The following MBD5 variants were observed in gnomAD, a reference collection of about 807,000 sequenced individuals.
MBD5 encodes methyl-CpG binding domain protein 5.
In MBD5, 13 loss-of-function variants were observed where a neutral mutation model predicts 117.3. The ratio of observed to expected loss-of-function variants is 0.11; its 90% CI spans 0.07 to 0.18. The LOEUF is 0.18. MBD5 is among the 10% of genes least tolerant of loss of function. MBD5 has a pLI of 1.00. For synonymous variants in MBD5, 727 were observed against 766.4 expected, an observed-to-expected ratio of 0.95 and a Z score of 0.85; for missense variants, 1,879 against 2,093.8, an observed-to-expected ratio of 0.90 and a Z score of 2.00.
chr2:148,507,570 T>G (rs556594966), intron 12 of MBD5, among the ~76,000 whole-genome samples: 1 of 151,126 alleles, frequency 6.6e-6, no homozygotes, highest in East Asian at 2.0e-4. Flanking sequence ...CCATCCTGGC[T>G]AACACGGTGA....
At chr2:148,258,525 C>A (rs755962523) in intron 3 of MBD5, among the ~76,000 whole-genome samples, 26 of 152,118 alleles carry the variant, frequency 1.7e-4, no homozygotes, top group Admixed American at 3.3e-4. Flanking sequence ...CAGTGTCCCC[C>A]CAAACTGGGC....
intron 3 of MBD5, among the ~76,000 whole-genome samples, chr2:148,278,660 A>T (rs1355301555): frequency 6.6e-6 from 1 of 152,182 alleles, no homozygotes; most frequent in Admixed American, 6.5e-5. Context: ...CGGAGACAGA[A>T]CCAGTAGGAT....
chr2:148,448,985 C>G (rs1229567003), intron 4 of MBD5, among the ~76,000 whole-genome samples: 7 of 152,014 alleles, frequency 4.6e-5, no homozygotes, highest in African/African-American at 1.7e-4. Flanking sequence ...CAAAAAATAA[C>G]AGCTGTGCTA....
intron 7 of MBD5, 43 bp downstream of exon 7, chr2:148,463,962 GAGA>G (rs1707178900): frequency 1.3e-6 from 2 of 1,593,334 alleles, no homozygotes; most frequent in Non-Finnish European, 1.7e-6. Flanking sequence ...CCTCTCCCTA[GAGA>G]AGGAGTTGCT....
At chr2:148,138,601 G>T (rs1232403338) in intron 1 of MBD5, among the ~76,000 whole-genome samples, 1 of 152,188 alleles carries the variant, frequency 6.6e-6, no homozygotes, top group Non-Finnish European at 1.5e-5. Flanking sequence ...ATGAAGTGGG[G>T]AGATTGGGAA....
In MBD5 at chr2:148,502,500, G is replaced by A. The variant is rs1237598517; in HGVS notation, c.5027G>A (p.Arg1676Lys). The change falls in exon 12 of 14, where the codon AGG becomes AAG. Residue 1676 changes from arginine to lysine, a missense_variant. Around this residue, in one of 4 missense-constraint regions of MBD5, gnomAD observed 135 missense variants for 148.0 expected, o/e 0.91. Transcript: ENST00000642680. ...GLEAYSRVRK[R>K]NRKSGKLNNH... ...GAAGCCTACAGCCGTGTCCGGAAAAGGAACAGAAAGTAAGCACTTTTCCAA... is the reference window on the plus strand; with the variant it reads ...GAAGCCTACAGCCGTGTCCGGAAAAAGAACAGAAAGTAAGCACTTTTCCAA... 5 of 1,613,982 alleles carry A rather than the reference G, an allele frequency of 3.1e-6. No homozygotes were observed. The East Asian group carries it at 6.7e-5, about 22-fold the overall frequency.
chr2:148,428,238 A>G lies in MBD5; in HGVS notation c.-556-29965A>G, dbSNP rs181514586. 8.7e-3 allele frequency among the ~76,000 whole-genome samples: 1,329 copies of G among 152,322 alleles called. 19 individuals are homozygous for G. The highest frequency in any genetic ancestry group is 0.031 in the African/African-American group (1,273 of 41,566). On this transcript the variant is annotated intron_variant, in intron 4 of 13. Coordinates refer to ENST00000642680, the MANE Select transcript of MBD5 (RefSeq NM_001378120.1). Reference sequence around the variant, plus strand: ...AGAGCCAAATCATGAGTGAACTCCCATTCACAATTGCTTCAAAGAGAATAA... The same window carrying G: ...AGAGCCAAATCATGAGTGAACTCCCGTTCACAATTGCTTCAAAGAGAATAA...
rs757371602 is a variant in MBD5 at position 148,296,864 on chromosome 2, A to AT, written c.-679-45330dup. Among the ~76,000 whole-genome samples the AT allele has an allele frequency of 1.4e-3, 86 of 61,328 alleles. 7 individuals carry two copies. Among genetic ancestry groups the AT allele is most frequent in the African/African-American group, 4.5e-3 (81 of 17,836 alleles). The allele number at this position is 61,328 out of a possible 152,430, so 40.2% of individuals were successfully genotyped here. A position where few individuals can be genotyped will look rare whatever the true frequency, so the allele number is the denominator to read the frequency against. On this transcript the variant is annotated intron_variant, in intron 3 of 13. Coordinates refer to ENST00000642680, the MANE Select transcript of MBD5 (RefSeq NM_001378120.1). ...AAGCATAGTTTGCTTTAGTTCTTCA[A>AT]TTTTTTTTTTTTTTTTTTTTGGAGA...
intron 4 of MBD5, among the ~76,000 whole-genome samples, chr2:148,445,884 GGT>G (rs1706492224): frequency 6.6e-6 from 1 of 151,166 alleles, no homozygotes; most frequent in South Asian, 2.1e-4. Context: ...TCTAATGGCC[GGT>G]GATGATGAGC....
intron 4 of MBD5, among the ~76,000 whole-genome samples, chr2:148,437,274 C>T (rs1706182164): frequency 6.6e-6 from 1 of 152,166 alleles, no homozygotes; most frequent in Non-Finnish European, 1.5e-5. Flanking sequence ...AGCCACCACG[C>T]CCAGCCCATA....
intron 1 of MBD5, among the ~76,000 whole-genome samples, chr2:148,110,888 C>G (rs559002275): frequency 1.3e-5 from 2 of 151,938 alleles, no homozygotes; most frequent in Non-Finnish European, 2.9e-5. Flanking sequence ...TATCATTTCT[C>G]ATGAATCTTT....
At chr2:148,087,593 G>A (rs1170522899) in intron 1 of MBD5, among the ~76,000 whole-genome samples, 1 of 152,146 alleles carries the variant, frequency 6.6e-6, no homozygotes, top group Non-Finnish European at 1.5e-5. Context: ...GCCCCATTCA[G>A]TGGCTAGACC....
rs953702461 is a variant in MBD5 at position 148,046,002 on chromosome 2, T to G, written c.-925+24318T>G. The stretch of plus-strand genomic sequence containing the variant: ...TTTTTTTTTTTTTTTTTTTTTTTTT[T>G]GAGACAGAGTCTCGCGGTGTTGCCA... On this transcript the variant is annotated intron_variant, in intron 1 of 13. Coordinates refer to ENST00000642680, the MANE Select transcript of MBD5 (RefSeq NM_001378120.1). Among the ~76,000 whole-genome samples the G allele has an allele frequency of 2.6e-5, 3 of 117,140 alleles. No homozygotes were observed. In the Admixed American group the frequency reaches 2.8e-4, roughly 11 times the overall value. 76.8% of individuals were successfully genotyped at this position (117,140 alleles called of 152,430 possible).
chr2:148,312,343 C>T (rs182350632), intron 3 of MBD5, among the ~76,000 whole-genome samples: 6 of 152,056 alleles, frequency 3.9e-5, no homozygotes, highest in African/African-American at 1.2e-4. Flanking sequence ...AGGCTTTGTT[C>T]GTTCCTTTTC....
chr2:148,299,130 C>T (rs1317210474), intron 3 of MBD5, among the ~76,000 whole-genome samples: 1 of 149,732 alleles, frequency 6.7e-6, no homozygotes, highest in African/African-American at 2.5e-5. Flanking sequence ...GTTTAAAGAA[C>T]TTTCTTTTTT....
At chr2:148,209,778 G>A (rs1236493602) in intron 2 of MBD5, among the ~76,000 whole-genome samples, 1 of 151,996 alleles carries the variant, frequency 6.6e-6, no homozygotes, top group Non-Finnish European at 1.5e-5. Context: ...GGTGAGGGGA[G>A]GAGCAAGGGG....
chr2:148,203,916 A>G (rs1699208808), intron 2 of MBD5, among the ~76,000 whole-genome samples: 1 of 152,196 alleles, frequency 6.6e-6, no homozygotes, highest in African/African-American at 2.4e-5. Flanking sequence ...TTTCTCCAAG[A>G]CTGCTTCTGT....
intron 1 of MBD5, among the ~76,000 whole-genome samples, chr2:148,061,762 T>C (rs1695042769): frequency 6.6e-6 from 1 of 152,018 alleles, no homozygotes; most frequent in Non-Finnish European, 1.5e-5. Context: ...ATTCATATCA[T>C]AAACATAATT....
intron 4 of MBD5, among the ~76,000 whole-genome samples, chr2:148,365,401 C>T (rs111692221): frequency 0.057 from 8,638 of 151,970 alleles, 780 homozygotes; most frequent in African/African-American, 0.2. Context: ...GATCTAAAAC[C>T]GACACCCTAA....
Sources: allele counts gnomAD v4.1 joint callset (sites outside exome capture counted in the v4.1 genomes callset), GRCh38; gene constraint gnomAD v4.1.1; regional missense constraint gnomAD v4.1.1; transcripts MANE v1.5; gene names NCBI Gene and HGNC (gene_info 2026-07-23, HGNC 2026-07-21).